KCNMB2: variants seen among roughly 807,000 people sequenced by gnomAD.
KCNMB2 encodes calcium-activated potassium channel subunit beta-2.
In KCNMB2, 9 loss-of-function variants were observed where a neutral mutation model predicts 24.5. The ratio of observed to expected loss-of-function variants is 0.37; its 90% CI spans 0.22 to 0.64. KCNMB2 has a LOEUF of 0.64. KCNMB2 is among the 30% of genes least tolerant of loss of function. The pLI, the probability that KCNMB2 is intolerant of heterozygous loss-of-function variation, is 0.63. For synonymous variants in KCNMB2, 109 were observed against 104.4 expected, an observed-to-expected ratio of 1.04 and a Z score of -0.27; for missense variants, 226 against 284.3, an observed-to-expected ratio of 0.79 and a Z score of 1.47.
At chr3:178,654,155 T>C (rs1158473234) in intron 1 of KCNMB2, among the ~76,000 whole-genome samples, 1 of 152,158 alleles carries the variant, frequency 6.6e-6, no homozygotes, top group Non-Finnish European at 1.5e-5. Context: ...ATTCTTATTA[T>C]ATTATAAACT....
At chr3:178,594,430 A>G (rs1290328120) in intron 1 of KCNMB2, among the ~76,000 whole-genome samples, 1 of 152,130 alleles carries the variant, frequency 6.6e-6, no homozygotes, top group African/African-American at 2.4e-5. Flanking sequence ...TTTTGAAACT[A>G]GAAGCAATAG....
chr3:178,789,501 T>C (rs1713239328), intron 1 of KCNMB2, among the ~76,000 whole-genome samples: 1 of 152,108 alleles, frequency 6.6e-6, no homozygotes, highest in African/African-American at 2.4e-5. Flanking sequence ...GAAAGCGCAT[T>C]GAAAAGGGTA....
chr3:178,828,319 C>T lies in KCNMB2; in HGVS notation c.369C>T (p.Ser123=), dbSNP rs373338689. Residue 123 remains serine, a synonymous_variant, in exon 4 of 5, where the codon TCC becomes TCT. Transcript: ENST00000452583. ...AGGTGTACGTTAACCTGACTTCTTC[C>T]GGGGAAAAGCTCCTCCTCTACCACA... ...CLQVYVNLTS[S]GEKLLLYHTE... 5.2e-5 allele frequency: 84 copies of T among 1,613,796 alleles called. No homozygotes were observed. Among genetic ancestry groups the T allele is most frequent in the African/African-American group, 6.7e-5 (5 of 74,850 alleles).
At chr3:178,727,273 C>T (rs1408207468) in intron 1 of KCNMB2, among the ~76,000 whole-genome samples, 3 of 152,022 alleles carry the variant, frequency 2.0e-5, no homozygotes, top group South Asian at 2.1e-4. Flanking sequence ...TTCCCCTTCC[C>T]CTATATACCT....
At chr3:178,810,324 TG>T (rs998663567) in intron 2 of KCNMB2, among the ~76,000 whole-genome samples, 1 of 152,230 alleles carries the variant, frequency 6.6e-6, no homozygotes, top group Non-Finnish European at 1.5e-5. Context: ...TCTCCAGCTG[TG>T]TTCCCACAGC....
At chr3:178,689,406 T>C (rs1383089623) in intron 1 of KCNMB2, among the ~76,000 whole-genome samples, 1 of 151,976 alleles carries the variant, frequency 6.6e-6, no homozygotes, top group African/African-American at 2.4e-5. Flanking sequence ...GAGGCTGAGA[T>C]GGGGGGATCA....
intron 1 of KCNMB2, among the ~76,000 whole-genome samples, chr3:178,801,091 G>C (rs950238400): frequency 6.6e-6 from 1 of 152,084 alleles, no homozygotes; most frequent in African/African-American, 2.4e-5. Context: ...ATAGTTGATA[G>C]AATGAATAAG....
chr3:178,568,898 A>AGATG (rs144502350), intron 1 of KCNMB2, among the ~76,000 whole-genome samples: 1 of 116,830 alleles, frequency 8.6e-6, no homozygotes, highest in Non-Finnish European at 1.9e-5. Flanking sequence ...ATAGATAGAT[A>AGATG]GATGGATAGA....
In KCNMB2 at chr3:178,662,699, ACAC is replaced by A. The variant is rs1577080585; in HGVS notation, c.-68+125989_-68+125991del. 2.6e-5 allele frequency among the ~76,000 whole-genome samples: 4 copies of A among 152,298 alleles called. No individual in the cohort carries two copies. The East Asian group carries it at 5.8e-4, about 22-fold the overall frequency. ...ATGAAATAACAAATATGAAAAAATT[ACAC>A]TATTTCACTACTAATTTAATGATTT... is the stretch of plus-strand genomic sequence containing the variant. On this transcript the variant is annotated intron_variant, in intron 1 of 4. Coordinates refer to ENST00000452583, the MANE Select transcript of KCNMB2 (RefSeq NM_181361.3).
At chr3:178,708,368 G>T (rs2108347391) in intron 1 of KCNMB2, among the ~76,000 whole-genome samples, 1 of 152,238 alleles carries the variant, frequency 6.6e-6, no homozygotes, top group East Asian at 1.9e-4. Context: ...CTCTGTGCCT[G>T]GCATTGGGCT....
chr3:178,800,784 A>G (rs1713743606), intron 1 of KCNMB2, among the ~76,000 whole-genome samples: 1 of 152,202 alleles, frequency 6.6e-6, no homozygotes, highest in Admixed American at 6.5e-5. Context: ...TTAAGTGTCC[A>G]TCAACAGATG....
rs1391458068 is a variant in KCNMB2, at chr3:178,636,189, G to C, written c.-68+99478G>C. 1.3e-5 allele frequency among the ~76,000 whole-genome samples: 2 copies of C among 152,120 alleles called. 1 individual carries two copies. ...CCAGCCCAGGGACTTACAGAAAATT[G>C]CTTCTCAAAAAAGATCCCTTCAGCA... On this transcript the variant is annotated intron_variant, in intron 1 of 4. Transcript: ENST00000452583.
intron 1 of KCNMB2, among the ~76,000 whole-genome samples, chr3:178,691,008 A>G (rs188980189): frequency 6.6e-6 from 1 of 151,694 alleles, no homozygotes; most frequent in African/African-American, 2.4e-5. Context: ...TGTAATCTCA[A>G]CTCACTGCAA....
intron 2 of KCNMB2, among the ~76,000 whole-genome samples, chr3:178,809,178 C>G (rs1334468770): frequency 6.6e-6 from 1 of 152,150 alleles, no homozygotes; most frequent in Non-Finnish European, 1.5e-5. Flanking sequence ...GAGGTTTGGT[C>G]CTGCAACTTT....
intron 1 of KCNMB2, among the ~76,000 whole-genome samples, chr3:178,655,117 T>TCTCTCTCG (rs1199352079): frequency 6.6e-6 from 1 of 151,166 alleles, no homozygotes; most frequent in African/African-American, 2.4e-5. Flanking sequence ...TCTCTCTCTC[T>TCTCTCTCG]CTCTCTCTCT....
intron 1 of KCNMB2, among the ~76,000 whole-genome samples, chr3:178,639,078 T>G (rs747505802): frequency 3.9e-5 from 6 of 152,218 alleles, no homozygotes; most frequent in Admixed American, 2.0e-4. Context: ...TGAATAGATT[T>G]TTTTTAATTT....
chr3:178,537,333 G>A lies in KCNMB2; in HGVS notation c.-68+622G>A, dbSNP rs564684080. The A allele has an allele frequency of 4.8e-4, 73 of 152,314 alleles. 1 individual carries two copies. The highest frequency in any genetic ancestry group is 1.7e-3 in the African/African-American group (71 of 41,576). The allele number at this position is 152,314 out of a possible 1,614,324, so 9.4% of individuals were successfully genotyped here. On this transcript the variant is annotated intron_variant, in intron 1 of 4. Transcript: ENST00000452583. ...CATGGTTTTCCTAAGCAGAGTAAGA[G>A]TTTTCGACTAAAAGAAGGGGCTTTC...
intron 1 of KCNMB2, among the ~76,000 whole-genome samples, chr3:178,778,560 TAGG>T (rs923653229): frequency 1.3e-4 from 19 of 151,552 alleles, no homozygotes; most frequent in African/African-American, 4.4e-4. Context: ...ATCTTGAAGG[TAGG>T]AGAAGCCAGT....
intron 1 of KCNMB2, among the ~76,000 whole-genome samples, chr3:178,765,455 C>G (rs553810393): frequency 6.6e-6 from 1 of 152,192 alleles, no homozygotes; most frequent in African/African-American, 2.4e-5. Context: ...CTTTATTTTT[C>G]CAAAGGGAGC....
Sources: allele counts gnomAD v4.1 joint callset (sites outside exome capture counted in the v4.1 genomes callset), GRCh38; gene constraint gnomAD v4.1.1; transcripts MANE v1.5; gene names NCBI Gene and HGNC (gene_info 2026-07-23, HGNC 2026-07-21).